TENM4: variants seen among roughly 807,000 people sequenced by gnomAD.
TENM4 encodes teneurin transmembrane protein 4.
TENM4 carries 82 observed loss-of-function variants against 243.3 expected under a neutral mutation model. The ratio of observed to expected loss-of-function variants is 0.34; its 90% CI spans 0.28 to 0.40. The LOEUF (loss-of-function observed/expected upper bound fraction) is 0.40. TENM4 is among the 10% of genes least tolerant of loss of function. The pLI, the probability that TENM4 is intolerant of heterozygous loss-of-function variation, is 1.00. For synonymous variants in TENM4, 1,412 were observed against 1,456.3 expected (o/e 0.97, Z 0.69); for missense variants, 3,138 against 3,673.3 (o/e 0.85, Z 3.77).
At chr11:79,078,096 C>G (rs970286311) in intron 4 of TENM4, among the ~76,000 whole-genome samples, 2 of 152,158 alleles carry the variant, frequency 1.3e-5, no homozygotes, top group African/African-American at 4.8e-5. Flanking sequence ...ACAGACAGTA[C>G]AGTGCTCGAA....
chr11:79,271,036 G>A (rs377032501), intron 2 of TENM4, among the ~76,000 whole-genome samples: 3 of 152,246 alleles, frequency 2.0e-5, no homozygotes, highest in African/African-American at 7.2e-5. Context: ...CATTGAGTTT[G>A]TCTGCTGGGG....
intron 7 of TENM4, among the ~76,000 whole-genome samples, chr11:78,896,812 C>T (rs1855810293): frequency 6.6e-6 from 1 of 152,168 alleles, no homozygotes; most frequent in African/African-American, 2.4e-5. Flanking sequence ...CTGCCACTTA[C>T]TGGCTGTGGG....
chr11:79,333,071 T>C lies in TENM4; in HGVS notation c.-320-35528A>G, dbSNP rs77742973. Among the ~76,000 whole-genome samples the C allele has an allele frequency of 2.5e-4, 38 of 152,256 alleles. No individual in the cohort carries two copies. In the East Asian group the frequency reaches 7.0e-3, roughly 28 times the overall value. ...TCAGTGTTCAGTCCTTACCATACTTTTTATCACTGAATCCCTAGAAGAGCA... is the reference window on the plus strand; with the variant it reads ...TCAGTGTTCAGTCCTTACCATACTTCTTATCACTGAATCCCTAGAAGAGCA... On this transcript the variant is annotated intron_variant, in intron 1 of 33. Transcript: ENST00000278550.
chr11:78,899,565 G>GT (rs201527088), intron 7 of TENM4, among the ~76,000 whole-genome samples: 1 of 134,058 alleles, frequency 7.5e-6, no homozygotes, highest in Non-Finnish European at 1.6e-5. Context: ...AAAGCGGGGG[G>GT]GGGGGGAAAA....
At chr11:78,915,863 T>C (rs78132884) in intron 6 of TENM4, among the ~76,000 whole-genome samples, 2,957 of 152,300 alleles carry the variant, frequency 0.019, 85 homozygotes, top group African/African-American at 0.067. Context: ...TAGCCATCAG[T>C]AATTTTGAAG....
intron 3 of TENM4, among the ~76,000 whole-genome samples, chr11:79,165,994 C>T (rs984982840): frequency 2.6e-5 from 4 of 152,130 alleles, no homozygotes; most frequent in Admixed American, 2.0e-4. Context: ...TTCCATTGGT[C>T]TATATGAGGC....
intron 4 of TENM4, among the ~76,000 whole-genome samples, chr11:79,103,252 C>T (rs1162069630): frequency 1.3e-5 from 2 of 152,118 alleles, no homozygotes; most frequent in South Asian, 4.1e-4. Flanking sequence ...TCCAGGACTC[C>T]CCCCTCCCCT....
chr11:78,699,590 A>T (rs535904769), intron 28 of TENM4, among the ~76,000 whole-genome samples: 2 of 152,168 alleles, frequency 1.3e-5, no homozygotes, highest in African/African-American at 2.4e-5. Context: ...AAGGATAACC[A>T]CTCTTGGGTA....
Position 78,951,097 on chromosome 11 carries a change from G to A in TENM4, c.494-47574C>T, listed in dbSNP as rs78975162. Among the ~76,000 whole-genome samples, 844 of 152,386 alleles carry A rather than the reference G, an allele frequency of 5.5e-3. 3 individuals carry two copies. The highest frequency in any genetic ancestry group is 0.014 in the Middle Eastern group (4 of 294). The stretch of plus-strand genomic sequence containing the variant: ...CTCAAGGGCTGCTCCCTGAGAGCTG[G>A]AAGGGGATGGATGGAGAGTGGGCTG... On this transcript the variant is annotated intron_variant, in intron 6 of 33. Coordinates refer to ENST00000278550, the MANE Select transcript of TENM4 (RefSeq NM_001098816.3).
In TENM4 at chr11:78,702,231, A is replaced by T. The variant is rs971899214; in HGVS notation, c.4382T>A (p.Val1461Glu). ...TGACTCCAGGGTTGCGTGGATGGCCACCTTGCTTAGCAGGAAGTGGTCAAT... is the reference window on the plus strand; with the variant it reads ...TGACTCCAGGGTTGCGTGGATGGCCTCCTTGCTTAGCAGGAAGTGGTCAAT... ...PGIDHFLLSK[V>E]AIHATLESAT... is the part of the protein sequence containing the mutation. Residue 1461 changes from valine (V) to glutamate (E), a missense_variant, in exon 28 of 34, where the codon GTG (valine) becomes GAG (glutamate). By Grantham distance (121) the Val-to-Glu change is moderately radical. This residue lies in a region of TENM4 where 2,467 missense variants were observed against 3,059.1 expected (regional missense o/e 0.81). Transcript: ENST00000278550. 1 of 1,614,038 alleles carries T rather than the reference A, an allele frequency of 6.2e-7. No homozygotes were observed. The highest frequency in any genetic ancestry group is 1.3e-5 in the African/African-American group (1 of 75,062).
intron 1 of TENM4, among the ~76,000 whole-genome samples, chr11:79,313,187 G>T (rs181012686): frequency 1.8e-4 from 27 of 152,272 alleles, no homozygotes; most frequent in Non-Finnish European, 5.9e-5. Context: ...TTACAAAATG[G>T]AAGGGAGTTT....
chr11:78,800,736 GGAGAGAGA>G (rs5792816), intron 15 of TENM4, among the ~76,000 whole-genome samples: 15 of 144,268 alleles, frequency 1.0e-4, no homozygotes, highest in African/African-American at 1.8e-4. Context: ...AGTTCACAGG[GGAGAGAGA>G]GAGAGAGAGA....
intron 6 of TENM4, among the ~76,000 whole-genome samples, chr11:78,980,118 C>T (rs573260339): frequency 1.3e-5 from 2 of 152,204 alleles, no homozygotes; most frequent in Admixed American, 6.5e-5. Flanking sequence ...AGCTTTCTGG[C>T]TGAATAACTG....
At chr11:79,239,594 T>C (rs750696954) in intron 2 of TENM4, among the ~76,000 whole-genome samples, 1 of 152,170 alleles carries the variant, frequency 6.6e-6, no homozygotes, top group Admixed American at 6.5e-5. Flanking sequence ...GGTGCATTGA[T>C]AGGGATGGTG....
intron 4 of TENM4, among the ~76,000 whole-genome samples, chr11:79,145,699 A>G (rs1591314360): frequency 6.6e-6 from 1 of 152,232 alleles, no homozygotes; most frequent in East Asian, 1.9e-4. Flanking sequence ...TTTAGCTGAT[A>G]TTGCCAAACA....
chr11:79,216,346 G>A (rs75328980), intron 2 of TENM4, among the ~76,000 whole-genome samples: 1,708 of 152,312 alleles, frequency 0.011, 35 homozygotes, highest in African/African-American at 0.039. Flanking sequence ...ACTGTGATGG[G>A]AGTAGACAAG....
At chr11:79,181,287 A>G (rs1002148835) in intron 3 of TENM4, among the ~76,000 whole-genome samples, 9 of 152,228 alleles carry the variant, frequency 5.9e-5, no homozygotes, top group Non-Finnish European at 1.3e-4. Flanking sequence ...CTGGTTCAAC[A>G]TTCAAAAACT....
At chr11:79,130,342 C>A (rs1242495415) in intron 4 of TENM4, among the ~76,000 whole-genome samples, 2 of 152,070 alleles carry the variant, frequency 1.3e-5, no homozygotes, top group African/African-American at 4.8e-5. Flanking sequence ...TAACACCCCC[C>A]AAAAATCACA....
intron 1 of TENM4, among the ~76,000 whole-genome samples, chr11:79,417,661 T>C (rs1858846935): frequency 6.6e-6 from 1 of 152,192 alleles, no homozygotes. Context: ...GCTCATGACA[T>C]CCCTGCTCAT....
Sources: allele counts gnomAD v4.1 joint callset (sites outside exome capture counted in the v4.1 genomes callset), GRCh38; gene constraint gnomAD v4.1.1; regional missense constraint gnomAD v4.1.1; transcripts MANE v1.5; gene names NCBI Gene and HGNC (gene_info 2026-07-23, HGNC 2026-07-21).